The following TENM4 variants were observed in gnomAD, a reference collection of about 807,000 sequenced individuals.
TENM4 encodes teneurin transmembrane protein 4, also known as teneurin-4.
TENM4 carries 82 observed loss-of-function variants against 243.3 expected under a neutral mutation model. The observed-to-expected ratio is 0.34, with a 90% confidence interval of 0.28 to 0.40. The LOEUF (loss-of-function observed/expected upper bound fraction) is 0.40. Among genes scored for constraint, TENM4 ranks in the 10% least tolerant of loss-of-function variants. The pLI is 1.00. For missense variants in TENM4, 3,138 were observed against 3,673.3 expected (o/e 0.85, Z 3.77); for synonymous variants, 1,412 against 1,456.3 (o/e 0.97, Z 0.69).
chr11:78,811,874 T>C (rs1318967793), intron 14 of TENM4, among the ~76,000 whole-genome samples: 3 of 152,232 alleles, frequency 2.0e-5, no homozygotes, highest in Admixed American at 2.0e-4. Context: ...TCGAGGCTTC[T>C]AGCACAGCCC....
At chr11:78,891,414 G>A in intron 7 of TENM4, 78 bp from the exon 8 acceptor site, 2 of 1,344,800 alleles carry the variant, frequency 1.5e-6, no homozygotes, top group South Asian at 1.3e-5. Flanking sequence ...CACACAAAGT[G>A]GCTGTTTGGT....
In TENM4 at chr11:79,334,452, C is replaced by T. The variant is rs74671434; in HGVS notation, c.-320-36909G>A. 5.3e-3 allele frequency among the ~76,000 whole-genome samples: 801 copies of T among 152,276 alleles called. 6 individuals are homozygous for T. The highest frequency in any genetic ancestry group is 0.018 in the African/African-American group (764 of 41,550). On this transcript the variant is annotated intron_variant, in intron 1 of 33. Coordinates refer to ENST00000278550, the MANE Select transcript of TENM4 (RefSeq NM_001098816.3). ...CTGCAGGCTCCCCTCCCTGACCCAC[C>T]ATTTCTCTATTCCCTGAGCACTTTC...
chr11:78,688,669 G>A (rs894215433), intron 28 of TENM4, among the ~76,000 whole-genome samples: 4 of 152,140 alleles, frequency 2.6e-5, no homozygotes, highest in Admixed American at 6.5e-5. Flanking sequence ...TGGTTATACA[G>A]GTTTTTCCTG....
chr11:79,342,060 G>A (rs2135462168), intron 1 of TENM4, among the ~76,000 whole-genome samples: 1 of 152,326 alleles, frequency 6.6e-6, no homozygotes, highest in African/African-American at 2.4e-5. Context: ...GAACAAAGCT[G>A]TGCAGCACAC....
intron 6 of TENM4, among the ~76,000 whole-genome samples, chr11:78,955,254 T>C (rs190482371): frequency 1.2e-4 from 19 of 152,366 alleles, no homozygotes; most frequent in African/African-American, 4.6e-4. Context: ...ACAGGACTTT[T>C]CTGTGGATCC....
chr11:78,910,983 A>G (rs1418259360), intron 6 of TENM4, among the ~76,000 whole-genome samples: 1 of 152,098 alleles, frequency 6.6e-6, no homozygotes, highest in African/African-American at 2.4e-5. Context: ...AAAAAATAGC[A>G]CCTTGAGGTC....
chr11:79,274,976 C>G lies in TENM4; in HGVS notation c.-265+22512G>C, dbSNP rs536153441. Among the ~76,000 whole-genome samples, 8 of 152,240 alleles carry G rather than the reference C, an allele frequency of 5.3e-5. 1 individual carries two copies. The South Asian group carries it at 1.7e-3, about 32-fold the overall frequency. On this transcript the variant is annotated intron_variant, in intron 2 of 33. Transcript: ENST00000278550. ...GCTCAGGGGAATCCTGGAAGCAACC[C>G]TCCCTCACTTCACCACTTTATCCAG...
At chr11:79,348,711 G>T (rs1857369059) in intron 1 of TENM4, among the ~76,000 whole-genome samples, 1 of 152,234 alleles carries the variant, frequency 6.6e-6, no homozygotes, top group South Asian at 2.1e-4. Context: ...CTTGATCTTG[G>T]ACTTCCAACC....
At chr11:78,803,326 G>A (rs1020078492) in intron 15 of TENM4, among the ~76,000 whole-genome samples, 4 of 152,166 alleles carry the variant, frequency 2.6e-5, no homozygotes, top group Non-Finnish European at 5.9e-5. Context: ...ACTGTGCCCA[G>A]CCTTTCATTT....
intron 4 of TENM4, among the ~76,000 whole-genome samples, chr11:79,146,173 A>G (rs564535191): frequency 1.3e-4 from 20 of 152,124 alleles, no homozygotes; most frequent in African/African-American, 4.8e-4. Context: ...ACAACCCACA[A>G]TTTGAAGCAC....
At chr11:78,688,341 G>A (rs1239997861) in intron 28 of TENM4, 115 bp from the exon 29 acceptor site, 5 of 1,172,312 alleles carry the variant, frequency 4.3e-6, no homozygotes, top group Non-Finnish European at 4.8e-6. Flanking sequence ...TTTCTGGCTG[G>A]ATACATTCCC....
At chr11:78,742,648 G>C (rs188417153) in intron 19 of TENM4, among the ~76,000 whole-genome samples, 1 of 152,326 alleles carries the variant, frequency 6.6e-6, no homozygotes, top group Admixed American at 6.5e-5. Flanking sequence ...GCCAAGCCAA[G>C]GGTGGTGTCA....
chr11:79,231,283 T>C (rs1396437348), intron 2 of TENM4, among the ~76,000 whole-genome samples: 17 of 152,088 alleles, frequency 1.1e-4, no homozygotes, highest in Admixed American at 9.8e-4. Flanking sequence ...TCAAGAAATA[T>C]GTTAAGTGAA....
At position 79,420,762 on chromosome 11, in the gene TENM4, A is replaced by G. The variant is rs1390416813; in HGVS notation, c.-321+19747T>C. 2.6e-5 allele frequency among the ~76,000 whole-genome samples: 4 copies of G among 152,178 alleles called. No homozygotes were observed. In the South Asian group the frequency reaches 8.3e-4, roughly 32 times the overall value. The stretch of plus-strand genomic sequence containing the variant: ...CTATTACCCCTCCACATGCTCACAC[A>G]TCCACACAATACGGAAAAAATATTT... On this transcript the variant is annotated intron_variant, in intron 1 of 33. Transcript: ENST00000278550.
chr11:79,104,155 A>G (rs1177498002), intron 4 of TENM4, among the ~76,000 whole-genome samples: 1 of 152,106 alleles, frequency 6.6e-6, no homozygotes, highest in African/African-American at 2.4e-5. Flanking sequence ...CAAATTAACC[A>G]TCTCATTTTC....
chr11:79,116,686 T>A (rs1861629457), intron 4 of TENM4, among the ~76,000 whole-genome samples: 3 of 152,218 alleles, frequency 2.0e-5, no homozygotes. Flanking sequence ...AAATGAATCA[T>A]CAACCCTGAT....
chr11:78,709,137 T>A (rs1859339349), intron 26 of TENM4, among the ~76,000 whole-genome samples: 1 of 146,668 alleles, frequency 6.8e-6, no homozygotes, highest in African/African-American at 2.5e-5. Flanking sequence ...CTGGCTAATT[T>A]TTTTTTTTTT....
chr11:79,388,217 GA>G (rs1200790899), intron 1 of TENM4, among the ~76,000 whole-genome samples: 1 of 152,184 alleles, frequency 6.6e-6, no homozygotes, highest in Non-Finnish European at 1.5e-5. Context: ...GGCTGGTTCA[GA>G]AACAGTGACA....
intron 6 of TENM4, among the ~76,000 whole-genome samples, chr11:79,054,581 C>T (rs1305139999): frequency 6.6e-6 from 1 of 151,790 alleles, no homozygotes; most frequent in South Asian, 2.1e-4. Flanking sequence ...TCACTGCAGC[C>T]TCGATCACCC....
Sources: gnomAD v4.1 joint callset for allele counts (sites outside exome capture counted in the v4.1 genomes callset) on GRCh38, gnomAD v4.1.1 for gene constraint, MANE v1.5 for transcripts, NCBI Gene and HGNC (gene_info 2026-07-23, HGNC 2026-07-21) for gene names.